The following SORBS2 variants were observed in gnomAD, a reference collection of about 807,000 sequenced individuals.
SORBS2 encodes the protein sorbin and SH3 domain containing 2.
SORBS2 carries 46 observed loss-of-function variants against 97.7 expected under a neutral mutation model. The observed-to-expected ratio is 0.47, with a 90% CI of 0.37 to 0.60. The LOEUF (loss-of-function observed/expected upper bound fraction) is 0.60. SORBS2 is among the 20% of genes least tolerant of loss of function. SORBS2 has a pLI of 0.00. For synonymous variants in SORBS2, 476 were observed against 473.4 expected, an observed-to-expected ratio of 1.01 and a Z score of -0.07; for missense variants, 1,316 against 1,282.3, an observed-to-expected ratio of 1.03 and a Z score of -0.40.
At chr4:185,712,718 C>A (rs1229220336) in intron 2 of SORBS2, among the ~76,000 whole-genome samples, 2 of 152,306 alleles carry the variant, frequency 1.3e-5, no homozygotes, top group Admixed American at 6.5e-5. Flanking sequence ...GCCAAAGCGG[C>A]CAGCGGGTTC....
chr4:185,626,005 T>A (rs1471986537), intron 6 of SORBS2, among the ~76,000 whole-genome samples: 4 of 152,252 alleles, frequency 2.6e-5, no homozygotes. Flanking sequence ...TAGAGGAGAT[T>A]GTGGGGTCCC....
chr4:185,753,889 G>A (rs2098815410), intron 2 of SORBS2, among the ~76,000 whole-genome samples: 1 of 152,074 alleles, frequency 6.6e-6, no homozygotes, highest in African/African-American at 2.4e-5. Flanking sequence ...GAAAGCATTT[G>A]GTGATTTCTG....
rs755223346 is a variant in SORBS2 at position 185,623,943 on chromosome 4, C to A, written c.1186G>T (p.Ala396Ser). The A allele has an allele frequency of 2.5e-6, 4 of 1,614,106 alleles. No individual in the cohort carries two copies. Among genetic ancestry groups the A allele is most frequent in the African/African-American group, 1.3e-5 (1 of 74,946 alleles). The change falls in exon 7 of 15, where the codon GCC becomes TCC. Residue 396 changes from alanine to serine, a missense_variant. By Grantham distance (99) the Ala-to-Ser change is moderately conservative. Coordinates refer to ENST00000418609, the Ensembl canonical transcript of SORBS2. The surrounding 1 kb of genome is among the most constrained non-coding windows in gnomAD (Gnocchi z 6.4). The stretch of plus-strand genomic sequence containing the variant: ...TCCTCCGTGGAGCACTGGCTCCAGG[C>A]GCGCAGCAGGTCCTTGTGCTGCTGC...
intron 4 of SORBS2, among the ~76,000 whole-genome samples, chr4:185,669,530 G>A (rs573174192): frequency 5.9e-5 from 9 of 152,264 alleles, no homozygotes; most frequent in East Asian, 3.9e-4. Context: ...GCTGTGGAGC[G>A]GGGATGTGAA....
intron 2 of SORBS2, among the ~76,000 whole-genome samples, chr4:185,746,505 C>T (rs1006555406): frequency 1.3e-5 from 2 of 152,000 alleles, no homozygotes; most frequent in Non-Finnish European, 2.9e-5. Context: ...TTAGTAGAGA[C>T]AGAGTTTCAC....
chr4:185,735,597 C>T (rs990427441), intron 2 of SORBS2, among the ~76,000 whole-genome samples: 1 of 151,978 alleles, frequency 6.6e-6, no homozygotes, highest in African/African-American at 2.4e-5. Flanking sequence ...TAAATAATAT[C>T]TGATGATAAT....
exon 7 of SORBS2, chr4:185,622,989 G>A (rs749449977): frequency 2.5e-6 from 4 of 1,613,918 alleles, no homozygotes; most frequent in East Asian, 2.2e-5. Flanking sequence ...GAGGCACTGC[G>A]GGGCATTCTC....
At chr4:185,609,215 A>G (rs975695155) in intron 12 of SORBS2, among the ~76,000 whole-genome samples, 1 of 152,200 alleles carries the variant, frequency 6.6e-6, no homozygotes, top group Non-Finnish European at 1.5e-5. Flanking sequence ...TCAGCAGTCT[A>G]CAGAAGTTCC....
At chr4:185,629,564 G>GTTTTTTT (rs397880846) in intron 5 of SORBS2, among the ~76,000 whole-genome samples, 2 of 135,722 alleles carry the variant, frequency 1.5e-5, no homozygotes, top group African/African-American at 5.6e-5. Flanking sequence ...TTTGTGATTT[G>GTTTTTTT]TTTTTTTTTT....
At chr4:185,946,134 A>T (rs906658241) in intron 1 of SORBS2, among the ~76,000 whole-genome samples, 1 of 135,274 alleles carries the variant, frequency 7.4e-6, no homozygotes, top group Non-Finnish European at 1.5e-5. Context: ...CATGTGTGTG[A>T]CATGTGTCTC....
At chr4:185,661,907 A>G (rs886785414), upstream of SORBS2, among the ~76,000 whole-genome samples, 1 of 152,128 alleles carries the variant, frequency 6.6e-6, no homozygotes, top group Non-Finnish European at 1.5e-5. Context: ...AGGCTCAGAC[A>G]CAGGTGGAGA....
intron 1 of SORBS2, among the ~76,000 whole-genome samples, chr4:185,809,603 TAG>T (rs1410785726): frequency 2.0e-5 from 3 of 151,994 alleles, no homozygotes; most frequent in Admixed American, 6.6e-5. Flanking sequence ...TCTTGAAGGA[TAG>T]AGATTATGTC....
chr4:185,603,487 G>A (rs567375806), intron 12 of SORBS2, among the ~76,000 whole-genome samples: 6 of 152,298 alleles, frequency 3.9e-5, no homozygotes, highest in Middle Eastern at 3.4e-3. Context: ...CTATGTCAGC[G>A]AATGGGTTTG....
At chr4:185,921,903 G>T (rs1181969215) in intron 1 of SORBS2, among the ~76,000 whole-genome samples, 3 of 152,192 alleles carry the variant, frequency 2.0e-5, no homozygotes, top group Non-Finnish European at 2.9e-5. Context: ...TATTCAGACT[G>T]CCCTGCTATT....
chr4:185,822,295 C>T (rs553053803), intron 1 of SORBS2, among the ~76,000 whole-genome samples: 15 of 152,246 alleles, frequency 9.9e-5, no homozygotes, highest in Admixed American at 4.6e-4. Context: ...AATGGAGGCC[C>T]GGGCCACATG....
chr4:185,863,509 A>G (rs1219196204), intron 1 of SORBS2, among the ~76,000 whole-genome samples: 1 of 152,250 alleles, frequency 6.6e-6, no homozygotes, highest in African/African-American at 2.4e-5. Flanking sequence ...TTTGTTTAGA[A>G]TTGAGTTATT....
At chr4:185,744,890 C>T (rs1583956580) in intron 2 of SORBS2, among the ~76,000 whole-genome samples, 2 of 152,248 alleles carry the variant, frequency 1.3e-5, no homozygotes, top group African/African-American at 4.8e-5. Context: ...GGCAAAGGCA[C>T]ATTCACTAAG....
chr4:185,672,067 C>T (rs566635616), intron 4 of SORBS2, among the ~76,000 whole-genome samples: 240 of 152,294 alleles, frequency 1.6e-3, no homozygotes, highest in African/African-American at 5.4e-3. Flanking sequence ...GAAAGGAAGC[C>T]ATACTAATGG....
At chr4:185,655,231 T>C (rs1162706007) in intron 1 of SORBS2, among the ~76,000 whole-genome samples, 1 of 152,120 alleles carries the variant, frequency 6.6e-6, no homozygotes, top group Non-Finnish European at 1.5e-5. Flanking sequence ...CTTTCTAGAG[T>C]TTCTGGATGA....
Sources: gnomAD v4.1 joint callset for allele counts (sites outside exome capture counted in the v4.1 genomes callset) on GRCh38, gnomAD v4.1.1 for gene constraint, Gnocchi (gnomAD v3.1) non-coding constraint, MANE v1.5 for transcripts, NCBI Gene and HGNC (gene_info 2026-07-23, HGNC 2026-07-21) for gene names.